The following PACRG variants were observed in gnomAD, a reference collection of about 807,000 sequenced individuals.
PACRG encodes parkin coregulated.
PACRG carries 29 observed loss-of-function variants against 29.7 expected under a neutral mutation model. The ratio of observed to expected loss-of-function variants is 0.98; its 90% CI spans 0.73 to 1.33. The LOEUF is 1.33. PACRG is among the 40% of genes most tolerant of loss of function. The pLI is 0.00. For synonymous variants in PACRG, 116 were observed against 118.7 expected (o/e 0.98, Z 0.15); for missense variants, 279 against 316.2 (o/e 0.88, Z 0.89).
At chr6:162,951,275 T>A (rs1320232638) in intron 2 of PACRG, among the ~76,000 whole-genome samples, 1 of 152,230 alleles carries the variant, frequency 6.6e-6, no homozygotes, top group African/African-American at 2.4e-5. Flanking sequence ...CAAGTCTATT[T>A]ATGCAAATGA....
chr6:162,990,768 T>C (rs1406464802), intron 2 of PACRG, among the ~76,000 whole-genome samples: 26 of 140,142 alleles, frequency 1.9e-4, no homozygotes, highest in Non-Finnish European at 3.1e-4. Context: ...CAATTTTGGC[T>C]TTCCTTGCCA....
At chr6:162,966,548 C>A (rs1801040229) in intron 2 of PACRG, among the ~76,000 whole-genome samples, 1 of 147,430 alleles carries the variant, frequency 6.8e-6, no homozygotes, top group Admixed American at 6.8e-5. Flanking sequence ...GTGATCTCGG[C>A]TCACTGCAAG....
chr6:163,060,734 T>C (rs1811027737), intron 2 of PACRG: 1 of 151,986 alleles, frequency 6.6e-6, no homozygotes, highest in African/African-American at 2.4e-5. Context: ...GGAAATTTGA[T>C]TCACCCCAAC....
intron 2 of PACRG, among the ~76,000 whole-genome samples, chr6:163,022,961 A>G (rs1281224249): frequency 6.6e-6 from 1 of 151,996 alleles, no homozygotes; most frequent in South Asian, 2.1e-4. Flanking sequence ...TCATATTTTT[A>G]CTTTGACTTA....
At chr6:162,979,530 G>A (rs894139919) in intron 2 of PACRG, among the ~76,000 whole-genome samples, 1 of 152,086 alleles carries the variant, frequency 6.6e-6, no homozygotes, top group Non-Finnish European at 1.5e-5. Flanking sequence ...TCAGTTCAAT[G>A]TAATCTCATT....
chr6:163,163,249 T>G (rs1177589033), intron 4 of PACRG, among the ~76,000 whole-genome samples: 2 of 137,766 alleles, frequency 1.5e-5, no homozygotes, highest in African/African-American at 3.1e-5. Flanking sequence ...CTCCACATGG[T>G]TTTTTTTGTT....
intron 2 of PACRG, among the ~76,000 whole-genome samples, chr6:162,922,039 C>T (rs773489997): frequency 1.3e-5 from 2 of 151,932 alleles, no homozygotes; most frequent in Non-Finnish European, 2.9e-5. Context: ...CTTAAGTCCC[C>T]GCTTTTTCCA....
chr6:162,728,519 C>T (rs1162661778), intron 1 of PACRG, 128 bp downstream of exon 1: 33 of 1,162,670 alleles, frequency 2.8e-5, no homozygotes, highest in Non-Finnish European at 3.7e-5. Flanking sequence ...AAGGCAGTTA[C>T]TTGGCAAGTA....
intron 4 of PACRG, among the ~76,000 whole-genome samples, chr6:163,118,189 A>T (rs142188647): frequency 6.6e-6 from 1 of 152,272 alleles, no homozygotes; most frequent in Non-Finnish European, 1.5e-5. Flanking sequence ...GGAAAATAAT[A>T]CTTGCCACCT....
intron 2 of PACRG, among the ~76,000 whole-genome samples, chr6:163,017,970 A>G (rs1032949710): frequency 6.6e-6 from 1 of 152,100 alleles, no homozygotes; most frequent in Non-Finnish European, 1.5e-5. Flanking sequence ...TATACATGGC[A>G]TCCATTTACT....
At chr6:162,758,127 G>C (rs1782070661) in intron 1 of PACRG, among the ~76,000 whole-genome samples, 1 of 152,092 alleles carries the variant, frequency 6.6e-6, no homozygotes, top group South Asian at 2.1e-4. Context: ...AAATTAAAAA[G>C]ATATAGTGGC....
chr6:163,134,206 G>T (rs557229176), intron 4 of PACRG, among the ~76,000 whole-genome samples: 1 of 152,288 alleles, frequency 6.6e-6, no homozygotes, highest in Admixed American at 6.5e-5. Context: ...AAGCACAGGA[G>T]TAAGAAAGGA....
At chr6:163,059,790 A>G (rs574582056) in intron 2 of PACRG, among the ~76,000 whole-genome samples, 1 of 152,340 alleles carries the variant, frequency 6.6e-6, no homozygotes, top group South Asian at 2.1e-4. Context: ...GAACTAGCAC[A>G]GTGTTCACAA....
intron 4 of PACRG, among the ~76,000 whole-genome samples, chr6:163,282,169 G>A (rs927944895): frequency 7.9e-5 from 12 of 151,972 alleles, no homozygotes; most frequent in Non-Finnish European, 1.6e-4. Context: ...CCATAGTTAC[G>A]CTCATTGTAA....
chr6:163,014,395 T>C (rs1805891388), intron 2 of PACRG, among the ~76,000 whole-genome samples: 1 of 152,232 alleles, frequency 6.6e-6, no homozygotes, highest in African/African-American at 2.4e-5. Context: ...CTTGGTTGAA[T>C]GGTAGTTCTG....
intron 2 of PACRG, among the ~76,000 whole-genome samples, chr6:162,925,054 G>GA (rs1797333302): frequency 6.6e-6 from 1 of 152,080 alleles, no homozygotes; most frequent in South Asian, 2.1e-4. Flanking sequence ...AAATACACTA[G>GA]AAAATCTAGA....
chr6:163,241,187 A>G (rs1223080175), intron 4 of PACRG, among the ~76,000 whole-genome samples: 1 of 152,214 alleles, frequency 6.6e-6, no homozygotes, highest in East Asian at 1.9e-4. Flanking sequence ...AAAAGGTGAA[A>G]GGTACTGCTG....
rs368461113 is a variant in PACRG, at chr6:162,880,661, GAT to G, written c.291+66382_291+66383del. The stretch of plus-strand genomic sequence containing the variant: ...TATTAAACAAGAATGCTTTAGAAAA[GAT>G]AAAATGAAAATTTATATTCCTTTTA... On this transcript the variant is annotated intron_variant, in intron 2 of 4. Transcript: ENST00000366888. Among the ~76,000 whole-genome samples, 58 of 152,244 alleles carry G rather than the reference GAT, an allele frequency of 3.8e-4. No homozygotes were observed. In the East Asian group the frequency reaches 5.0e-3, roughly 13 times the overall value.
At chr6:162,936,416 C>T (rs1018719614) in intron 2 of PACRG, among the ~76,000 whole-genome samples, 1 of 152,186 alleles carries the variant, frequency 6.6e-6, no homozygotes, top group Non-Finnish European at 1.5e-5. Flanking sequence ...ATTCACTCAA[C>T]ATGATATGTT....
Sources: allele counts gnomAD v4.1 joint callset (sites outside exome capture counted in the v4.1 genomes callset), GRCh38; gene constraint gnomAD v4.1.1; transcripts MANE v1.5; gene names NCBI Gene and HGNC (gene_info 2026-07-23, HGNC 2026-07-21).